The following HNRNPR variants were observed in gnomAD, a reference collection of about 807,000 sequenced individuals.
HNRNPR encodes heterogeneous nuclear ribonucleoprotein R.
A neutral mutation model predicts 70.3 loss-of-function variants in HNRNPR; 4 were observed. The ratio of observed to expected loss-of-function variants is 0.06; its 90% CI spans 0.03 to 0.13. The LOEUF (loss-of-function observed/expected upper bound fraction) is 0.13. Ranked by LOEUF, HNRNPR falls within the 10% of genes least tolerant of loss-of-function variation. The pLI, the probability that HNRNPR is intolerant of heterozygous loss-of-function variation, is 1.00. For synonymous variants in HNRNPR, 241 were observed against 267.6 expected, an observed-to-expected ratio of 0.90 and a Z score of 0.97; for missense variants, 423 against 788.5, an observed-to-expected ratio of 0.54 and a Z score of 5.55.
intron 4 of HNRNPR, among the ~76,000 whole-genome samples, chr1:23,337,476 T>C (rs1646541574): frequency 6.6e-6 from 1 of 152,054 alleles, no homozygotes; most frequent in Non-Finnish European, 1.5e-5. Context: ...GCCAACACAG[T>C]GAAACCCTAT....
In HNRNPR at chr1:23,311,135, T is replaced by C. The variant is rs980144241; in HGVS notation, c.1289+66A>G. 9.3e-6 allele frequency: 15 copies of C among 1,608,758 alleles called. No homozygotes were observed. The Admixed American group carries it at 2.5e-4, about 27-fold the overall frequency. On this transcript the variant is annotated intron_variant, in intron 10 of 10. Transcript: ENST00000302271. ...GCTTCAAGACTCTGATTTTGTTTTA[T>C]TAATCTGATCTCCATTATCACGTTA...
chr1:23,341,834 A>G (rs1646713609), intron 1 of HNRNPR, among the ~76,000 whole-genome samples: 1 of 152,210 alleles, frequency 6.6e-6, no homozygotes, highest in South Asian at 2.1e-4. Flanking sequence ...TAATTAGGCT[A>G]AACTTCAGCC....
intron 5 of HNRNPR, among the ~76,000 whole-genome samples, chr1:23,329,746 G>C (rs1011764370): frequency 2.6e-5 from 4 of 152,150 alleles, no homozygotes; most frequent in Non-Finnish European, 5.9e-5. Context: ...TTCCACCTCA[G>C]CCTCCCAAGT....
intron 9 of HNRNPR, among the ~76,000 whole-genome samples, chr1:23,312,366 G>A (rs555673338): frequency 2.6e-4 from 40 of 152,244 alleles, no homozygotes; most frequent in African/African-American, 9.4e-4. Context: ...AATTTCATAG[G>A]CTTCTTTGGC....
intron 5 of HNRNPR, among the ~76,000 whole-genome samples, chr1:23,327,013 CTCT>C (rs1483260046): frequency 1.3e-5 from 2 of 152,142 alleles, no homozygotes; most frequent in African/African-American, 4.8e-5. Context: ...CAACTGGCTC[CTCT>C]GATTGCCCCC....
chr1:23,307,171 A>G lies in HNRNPR; in HGVS notation c.*3283T>C, dbSNP rs1645214890. ...TTAGAAGCCTTGATAATTGACAAGCAATAGCCTTATAGCAAGTATTTACTG... is the reference window on the plus strand; with the variant it reads ...TTAGAAGCCTTGATAATTGACAAGCGATAGCCTTATAGCAAGTATTTACTG... On this transcript the variant is annotated 3_prime_UTR_variant, in exon 11 of 11. Coordinates refer to ENST00000302271, the MANE Select transcript of HNRNPR (RefSeq NM_005826.5). The G allele has an allele frequency of 6.6e-6, 1 of 152,160 alleles. No individual in the cohort carries two copies. Among genetic ancestry groups the G allele is most frequent in the Non-Finnish European group, 1.5e-5 (1 of 67,990 alleles). 9.4% of individuals were successfully genotyped at this position (152,160 alleles called of 1,614,324 possible).
rs1014226372 is a variant in HNRNPR at position 23,305,902 on chromosome 1, A to C, written c.*4552T>G. On this transcript the variant is annotated 3_prime_UTR_variant, in exon 11 of 11. Transcript: ENST00000302271. ...TGAGGCCATTATTGTCAAACTGCTA[A>C]AACTTTTTAAAGTTTCATTTTACAG... 2 of 152,334 alleles carry C rather than the reference A, an allele frequency of 1.3e-5. No homozygotes were observed. Among genetic ancestry groups the C allele is most frequent in the Admixed American group, 1.3e-4 (2 of 15,298 alleles). 9.4% of individuals were successfully genotyped at this position (152,334 alleles called of 1,614,324 possible).
chr1:23,319,658 C>A (rs1448102977), intron 7 of HNRNPR, among the ~76,000 whole-genome samples: 1 of 152,170 alleles, frequency 6.6e-6, no homozygotes, highest in East Asian at 1.9e-4. Flanking sequence ...TTATTTCCTG[C>A]TTAAAACCTT....
intron 4 of HNRNPR, among the ~76,000 whole-genome samples, chr1:23,335,748 T>C (rs1646447965): frequency 1.3e-5 from 2 of 152,216 alleles, no homozygotes; most frequent in African/African-American, 4.8e-5. Flanking sequence ...TGGTGAGTTG[T>C]ATAATTATTT....
chr1:23,343,761 GCCCCCCACCCCCAT>G (rs947562049), intron 1 of HNRNPR, among the ~76,000 whole-genome samples: 1 of 151,090 alleles, frequency 6.6e-6, no homozygotes, highest in African/African-American at 2.4e-5. Context: ...CCCGCCTTCC[GCCCCCCACCCCCAT>G]CCCCTCAGGC....
intron 7 of HNRNPR, among the ~76,000 whole-genome samples, chr1:23,320,705 T>A (rs11802329): frequency 6.6e-6 from 1 of 152,090 alleles, no homozygotes; most frequent in East Asian, 1.9e-4. Flanking sequence ...TAGATCACAA[T>A]TGGCATTTTA....
At chr1:23,333,794 T>C (rs1003574478) in intron 4 of HNRNPR, among the ~76,000 whole-genome samples, 163 bp from the exon 5 acceptor site, 1 of 152,226 alleles carries the variant, frequency 6.6e-6, no homozygotes, top group Non-Finnish European at 1.5e-5. Flanking sequence ...CATACATGTT[T>C]CTACTGGTGA....
intron 4 of HNRNPR, among the ~76,000 whole-genome samples, 173 bp downstream of exon 4, chr1:23,337,581 T>G (rs1646546457): frequency 6.6e-6 from 1 of 151,336 alleles, no homozygotes; most frequent in Non-Finnish European, 1.5e-5. Context: ...GGCATGAACT[T>G]GGGAGGTGGA....
At position 23,333,978 on chromosome 1, in the gene HNRNPR, G is replaced by A. The variant is rs59234980; in HGVS notation, c.385-347C>T. 3.4e-3 allele frequency among the ~76,000 whole-genome samples: 512 copies of A among 150,406 alleles called. 3 individuals carry two copies. Among genetic ancestry groups the A allele is most frequent in the African/African-American group, 0.012 (489 of 40,900 alleles). On this transcript the variant is annotated intron_variant, in intron 4 of 10. Coordinates refer to ENST00000302271, the MANE Select transcript of HNRNPR (RefSeq NM_005826.5). Reference sequence around the variant, plus strand: ...GCCCAGGCTGGAGTGCAGTGGCATCGTCTCGGCTCACTGCAACCTCTGCCT... The same window carrying A: ...GCCCAGGCTGGAGTGCAGTGGCATCATCTCGGCTCACTGCAACCTCTGCCT...
chr1:23,340,745 T>C, intron 2 of HNRNPR, 107 bp downstream of exon 2: 1 of 913,784 alleles, frequency 1.1e-6, no homozygotes. Flanking sequence ...CATTCAGCTC[T>C]ACAGATCAGA....
intron 5 of HNRNPR, among the ~76,000 whole-genome samples, chr1:23,332,042 G>T (rs1204171983): frequency 6.6e-6 from 1 of 151,940 alleles, no homozygotes; most frequent in African/African-American, 2.4e-5. Flanking sequence ...TAAGGCAGGA[G>T]AATCGCTTGA....
At chr1:23,339,329 A>G (rs1377033236) in intron 2 of HNRNPR, among the ~76,000 whole-genome samples, 1 of 152,250 alleles carries the variant, frequency 6.6e-6, no homozygotes, top group Non-Finnish European at 1.5e-5. Flanking sequence ...TGGCATTCAC[A>G]TTGACTGTCA....
At chr1:23,334,263 G>T (rs1404862979) in intron 4 of HNRNPR, among the ~76,000 whole-genome samples, 7 of 134,658 alleles carry the variant, frequency 5.2e-5, no homozygotes, top group African/African-American at 1.9e-4. Flanking sequence ...TTGAGACGGA[G>T]TCTCGCTGTG....
At chr1:23,312,103 T>C (rs1645358896) in intron 9 of HNRNPR, among the ~76,000 whole-genome samples, 1 of 152,190 alleles carries the variant, frequency 6.6e-6, no homozygotes, top group South Asian at 2.1e-4. Flanking sequence ...TGTTTCCCTA[T>C]ACCTTTCCCC....
Sources: allele counts gnomAD v4.1 joint callset (sites outside exome capture counted in the v4.1 genomes callset), GRCh38; gene constraint gnomAD v4.1.1; transcripts MANE v1.5; gene names NCBI Gene and HGNC (gene_info 2026-07-23, HGNC 2026-07-21).